The following RAB38 variants were observed in gnomAD, a reference collection of about 807,000 sequenced individuals.
RAB38 encodes ras-related protein Rab-38.
In RAB38, 15 loss-of-function variants were observed where a neutral mutation model predicts 18.4. The observed-to-expected ratio is 0.82, with a 90% confidence interval of 0.55 to 1.26. RAB38 has a LOEUF of 1.26. RAB38 is among the 50% of genes most tolerant of loss of function. The probability of loss-of-function intolerance (pLI) is 0.00; values close to 1 mark genes in which losing one functional copy is unlikely to be tolerated. For missense variants in RAB38, 294 were observed against 267.4 expected, an observed-to-expected ratio of 1.10 and a Z score of -0.69; for synonymous variants, 101 against 104.4, an observed-to-expected ratio of 0.97 and a Z score of 0.20.
the RAB38 span, among the ~76,000 whole-genome samples, chr11:88,097,041 C>G: frequency 6.6e-6 from 1 of 151,546 alleles, no homozygotes; most frequent in South Asian, 2.1e-4. Context: ...AGAAATTATA[C>G]AAGAAAAAAA....
the RAB38 span, among the ~76,000 whole-genome samples, chr11:88,032,667 C>T: frequency 2.6e-5 from 4 of 152,132 alleles, no homozygotes; most frequent in Non-Finnish European, 5.9e-5. Flanking sequence ...CAAATCAAAA[C>T]CACAATGAGA....
At chr11:87,913,179 T>A in the RAB38 span, among the ~76,000 whole-genome samples, 1 of 150,650 alleles carries the variant, frequency 6.6e-6, no homozygotes, top group Admixed American at 6.6e-5. Context: ...TTGGGTGGAG[T>A]GTTCTATAAA....
At chr11:88,049,507 G>A in the RAB38 span, among the ~76,000 whole-genome samples, 36 of 143,146 alleles carry the variant, frequency 2.5e-4, no homozygotes, top group African/African-American at 8.2e-4. Context: ...CTTATAAAAC[G>A]GCCCCACCCC....
At chr11:87,858,946 TA>T in the RAB38 span, among the ~76,000 whole-genome samples, 6,844 of 131,714 alleles carry the variant, frequency 0.052, 277 homozygotes, top group Admixed American at 0.15. Context: ...AAATAAAAAG[TA>T]AAAAAAAAAA....
the RAB38 span, among the ~76,000 whole-genome samples, chr11:87,904,919 G>A: frequency 6.6e-6 from 1 of 151,644 alleles, no homozygotes; most frequent in Non-Finnish European, 1.5e-5. Flanking sequence ...TATTTTCCAT[G>A]AGTTTGAAAA....
intron 1 of RAB38, chr11:88,165,589 A>G (rs1476054319): frequency 6.6e-6 from 1 of 152,218 alleles, no homozygotes; most frequent in Non-Finnish European, 1.5e-5. Context: ...AAACAAATTG[A>G]AAGTTATATT....
At chr11:88,004,349 G>C in the RAB38 span, among the ~76,000 whole-genome samples, 1 of 151,062 alleles carries the variant, frequency 6.6e-6, no homozygotes, top group Non-Finnish European at 1.5e-5. Flanking sequence ...AAATCAATCA[G>C]TGTAATTTAC....
At chr11:88,161,540 C>T (rs1017077424) in intron 1 of RAB38, among the ~76,000 whole-genome samples, 10 of 152,008 alleles carry the variant, frequency 6.6e-5, no homozygotes, top group East Asian at 1.9e-4. Flanking sequence ...GACCATCTTT[C>T]GATATTGCAA....
At chr11:88,095,550 G>C in the RAB38 span, among the ~76,000 whole-genome samples, 5 of 151,766 alleles carry the variant, frequency 3.3e-5, no homozygotes, top group Non-Finnish European at 5.9e-5. Context: ...AAAATTTAAA[G>C]TTTGAGTACC....
At chr11:87,953,999 A>AATGAT in the RAB38 span, among the ~76,000 whole-genome samples, 2 of 152,164 alleles carry the variant, frequency 1.3e-5, no homozygotes, top group African/African-American at 4.8e-5. Flanking sequence ...AGCAGGAGGA[A>AATGAT]ATGATATGAG....
At chr11:87,904,180 A>T in the RAB38 span, among the ~76,000 whole-genome samples, 1 of 151,600 alleles carries the variant, frequency 6.6e-6, no homozygotes, top group African/African-American at 2.4e-5. Context: ...TGTTTGGGGT[A>T]TAATTGGTCT....
chr11:87,907,960 A>C, the RAB38 span, among the ~76,000 whole-genome samples: 4 of 151,850 alleles, frequency 2.6e-5, no homozygotes, highest in African/African-American at 9.7e-5. Flanking sequence ...ACTATTAGAA[A>C]ATGATGTCTG....
the RAB38 span, among the ~76,000 whole-genome samples, chr11:87,855,977 C>A: frequency 6.6e-6 from 1 of 152,158 alleles, no homozygotes; most frequent in African/African-American, 2.4e-5. Flanking sequence ...GTTCGGTGTT[C>A]CTTAAACTTT....
At chr11:87,877,091 G>C in the RAB38 span, among the ~76,000 whole-genome samples, 1 of 151,466 alleles carries the variant, frequency 6.6e-6, no homozygotes, top group African/African-American at 2.4e-5. Context: ...AGGACAGATA[G>C]GTGTCATCTT....
At chr11:87,952,282 C>T in the RAB38 span, among the ~76,000 whole-genome samples, 1 of 152,150 alleles carries the variant, frequency 6.6e-6, no homozygotes, top group African/African-American at 2.4e-5. Context: ...ATTTATGGAA[C>T]TCATTTAAAG....
At chr11:87,914,119 G>T in the RAB38 span, among the ~76,000 whole-genome samples, 1 of 151,932 alleles carries the variant, frequency 6.6e-6, no homozygotes, top group Admixed American at 6.6e-5. Flanking sequence ...GGAGGATTAG[G>T]CTTGAAAAAG....
the RAB38 span, among the ~76,000 whole-genome samples, chr11:87,940,131 C>G: frequency 2.2e-5 from 3 of 134,610 alleles, no homozygotes; most frequent in Admixed American, 7.7e-5. Flanking sequence ...AAAAATGTAA[C>G]AGGAAAGAAA....
the RAB38 span, among the ~76,000 whole-genome samples, chr11:87,821,850 TA>T: frequency 0.052 from 6,800 of 130,626 alleles, 296 homozygotes; most frequent in Admixed American, 0.15. Context: ...CACTCCGTCT[TA>T]AAAAAAAAAA....
intron 2 of RAB38, among the ~76,000 whole-genome samples, chr11:88,123,115 A>C (rs958440161): frequency 6.6e-6 from 1 of 152,210 alleles, no homozygotes; most frequent in African/African-American, 2.4e-5. Flanking sequence ...TTCTTCCTTC[A>C]GGTCATTCTT....
Sources: gnomAD v4.1 joint callset for allele counts (sites outside exome capture counted in the v4.1 genomes callset) on GRCh38, gnomAD v4.1.1 for gene constraint, MANE v1.5 for transcripts, NCBI Gene and HGNC (gene_info 2026-07-23, HGNC 2026-07-21) for gene names.